The following OXR1 variants were observed in gnomAD, a reference collection of about 807,000 sequenced individuals.
OXR1 encodes the protein oxidation resistance protein 1.
In OXR1, 41 loss-of-function variants were observed where a neutral mutation model predicts 104.6. That is an observed-to-expected ratio of 0.39 (90% CI 0.31 to 0.51). OXR1 has a LOEUF of 0.51. Among genes scored for constraint, OXR1 ranks in the 20% least tolerant of loss-of-function variants. The pLI is 0.77. For missense variants in OXR1, 955 were observed against 1,031.9 expected (o/e 0.93, Z 1.02); for synonymous variants, 348 against 348.4 (o/e 1.00, Z 0.01).
intron 1 of OXR1, among the ~76,000 whole-genome samples, chr8:106,356,932 G>C (rs1815997765): frequency 6.6e-6 from 1 of 151,952 alleles, no homozygotes; most frequent in Non-Finnish European, 1.5e-5. Flanking sequence ...TTCCCTTTAA[G>C]TGCTCATAAA....
chr8:106,737,172 G>A (rs541038499), intron 11 of OXR1, among the ~76,000 whole-genome samples: 10 of 152,192 alleles, frequency 6.6e-5, no homozygotes, highest in South Asian at 6.2e-4. Context: ...CTGCAAGACC[G>A]TTTAGTTTTC....
At chr8:106,448,422 C>A (rs370619059) in intron 2 of OXR1, among the ~76,000 whole-genome samples, 2 of 151,914 alleles carry the variant, frequency 1.3e-5, no homozygotes. Context: ...TTGGTGTAAG[C>A]GGTTTTAAAT....
chr8:106,580,428 T>G (rs925594195), intron 3 of OXR1, among the ~76,000 whole-genome samples: 7 of 152,250 alleles, frequency 4.6e-5, no homozygotes, highest in Non-Finnish European at 7.3e-5. Flanking sequence ...CTGAATAATA[T>G]TTCATTGTAC....
intron 2 of OXR1, among the ~76,000 whole-genome samples, chr8:106,481,647 A>C (rs1822123020): frequency 6.6e-6 from 1 of 152,084 alleles, no homozygotes; most frequent in Admixed American, 6.6e-5. Flanking sequence ...GTTTTTGAGA[A>C]GGAAAAGTAC....
At chr8:106,537,684 A>AAAGATG (rs113765062) in intron 3 of OXR1, among the ~76,000 whole-genome samples, 2 of 150,730 alleles carry the variant, frequency 1.3e-5, no homozygotes, top group Non-Finnish European at 3.0e-5. Context: ...AGTATTTTAA[A>AAAGATG]AAGAAGAAGA....
intron 2 of OXR1, among the ~76,000 whole-genome samples, chr8:106,432,738 C>G (rs904332215): frequency 3.9e-5 from 6 of 152,022 alleles, no homozygotes; most frequent in Admixed American, 2.0e-4. Context: ...TGTTTTCTGT[C>G]TATTCCCTCG....
chr8:106,484,910 A>T (rs1171902047), intron 2 of OXR1, among the ~76,000 whole-genome samples: 2 of 152,128 alleles, frequency 1.3e-5, no homozygotes, highest in Non-Finnish European at 2.9e-5. Flanking sequence ...ATAATTATCA[A>T]AATTTGGAAG....
chr8:106,375,604 T>C (rs2130388829), intron 2 of OXR1, among the ~76,000 whole-genome samples: 1 of 152,258 alleles, frequency 6.6e-6, no homozygotes, highest in South Asian at 2.1e-4. Flanking sequence ...GACATCTGAC[T>C]ACTAGGAAAG....
At chr8:106,496,801 C>T (rs1254587316) in intron 2 of OXR1, among the ~76,000 whole-genome samples, 1 of 152,178 alleles carries the variant, frequency 6.6e-6, no homozygotes, top group African/African-American at 2.4e-5. Flanking sequence ...CTTATGATTC[C>T]CTTGCTTGCA....
At chr8:106,394,441 T>G (rs1483211817) in intron 2 of OXR1, among the ~76,000 whole-genome samples, 1 of 152,064 alleles carries the variant, frequency 6.6e-6, no homozygotes, top group East Asian at 1.9e-4. Flanking sequence ...GCTATGATGT[T>G]GATAATCATT....
At chr8:106,676,720 ATGT>A (rs762568003) in intron 3 of OXR1, among the ~76,000 whole-genome samples, 4 of 151,912 alleles carry the variant, frequency 2.6e-5, no homozygotes, top group Non-Finnish European at 5.9e-5. Flanking sequence ...CTGCTCTCAA[ATGT>A]TGTGATTATT....
intron 1 of OXR1, among the ~76,000 whole-genome samples, chr8:106,321,666 G>A (rs943487920): frequency 6.6e-6 from 1 of 152,144 alleles, no homozygotes; most frequent in Non-Finnish European, 1.5e-5. Flanking sequence ...CCAACTAAAG[G>A]CACAGCCTCC....
chr8:106,671,332 A>G (rs930129822), intron 3 of OXR1, among the ~76,000 whole-genome samples: 3 of 152,246 alleles, frequency 2.0e-5, no homozygotes, highest in East Asian at 3.9e-4. Context: ...CAGAGATACA[A>G]TAATAATCAT....
At chr8:106,340,269 G>A (rs1815189387) in intron 1 of OXR1, among the ~76,000 whole-genome samples, 1 of 150,878 alleles carries the variant, frequency 6.6e-6, no homozygotes, top group East Asian at 1.9e-4. Context: ...ATAATGACCT[G>A]CCACCCTAAG....
intron 15 of OXR1, among the ~76,000 whole-genome samples, chr8:106,744,186 A>G (rs1835185906): frequency 6.6e-6 from 1 of 152,246 alleles, no homozygotes; most frequent in Non-Finnish European, 1.5e-5. Context: ...TGCATCCTGC[A>G]CATGTACTCC....
chr8:106,691,082 AG>A (rs1246830566), intron 6 of OXR1, among the ~76,000 whole-genome samples: 5 of 152,078 alleles, frequency 3.3e-5, no homozygotes. Flanking sequence ...CTACAAAAAA[AG>A]ATAACTCTAG....
chr8:106,702,506 A>T (rs1300256624), intron 7 of OXR1, among the ~76,000 whole-genome samples: 1 of 152,154 alleles, frequency 6.6e-6, no homozygotes, highest in Non-Finnish European at 1.5e-5. Flanking sequence ...TATCAACATT[A>T]TTTATTGAGT....
chr8:106,483,363 A>T (rs1822255879), intron 2 of OXR1, among the ~76,000 whole-genome samples: 1 of 151,762 alleles, frequency 6.6e-6, no homozygotes, highest in African/African-American at 2.4e-5. Flanking sequence ...GTATTTCCTG[A>T]TAATGTCATT....
chr8:106,565,617 G>GA lies in OXR1; in HGVS notation c.220+46485dup, dbSNP rs1279526258. The stretch of plus-strand genomic sequence containing the variant: ...ACCATTGACTTTCTTCACAGAATTA[G>GA]AAAAAAACTACTTTAAATTCTATAT... On this transcript the variant is annotated intron_variant, in intron 3 of 16. Transcript: ENST00000517566. Among the ~76,000 whole-genome samples the GA allele has an allele frequency of 7.2e-5, 11 of 152,054 alleles. No homozygotes were observed. The South Asian group carries it at 1.5e-3, about 20-fold the overall frequency.
Sources: allele counts gnomAD v4.1 joint callset (sites outside exome capture counted in the v4.1 genomes callset), GRCh38; gene constraint gnomAD v4.1.1; transcripts MANE v1.5; gene names NCBI Gene and HGNC (gene_info 2026-07-23, HGNC 2026-07-21).